Variants in LTBP1 observed in about 807,000 individuals in gnomAD.
LTBP1 encodes the protein latent transforming growth factor beta binding protein 1.
LTBP1 carries 129 observed loss-of-function variants against 207.6 expected under a neutral mutation model. That is an observed-to-expected ratio of 0.62 (90% CI 0.54 to 0.72). The LOEUF (loss-of-function observed/expected upper bound fraction) is 0.72. LTBP1 is among the 30% of genes least tolerant of loss of function. The probability of loss-of-function intolerance (pLI) is 0.00; values close to 1 mark genes in which losing one functional copy is unlikely to be tolerated. For synonymous variants in LTBP1, 963 were observed against 833.7 expected (o/e 1.16, Z -2.67); for missense variants, 2,281 against 2,217.2 (o/e 1.03, Z -0.58).
intron 5 of LTBP1, among the ~76,000 whole-genome samples, chr2:33,172,001 A>G (rs1287429085): frequency 1.3e-5 from 2 of 152,214 alleles, no homozygotes; most frequent in Non-Finnish European, 2.9e-5. Context: ...AGAGCTCCTG[A>G]AGGAAGCACT....
chr2:33,188,755 T>A lies in LTBP1; in HGVS notation c.1605T>A (p.His535Gln). The A allele has an allele frequency of 6.2e-7, 1 of 1,614,120 alleles. No homozygotes were observed. The highest frequency in any genetic ancestry group is 1.1e-5 in the South Asian group (1 of 91,084). ...GLPVQKTQTI[H>Q]STYSHQQVIP... ...CTGTCCAGAAGACCCAGACCATACA[T>A]TCCACATACTCCCACCAGCAGGTCA... is the stretch of plus-strand genomic sequence containing the variant. Residue 535 changes from histidine (H) to glutamine (Q), a missense_variant, in exon 7 of 34, where the codon CAT becomes CAA. Physicochemically the swap from His to Gln is conservative, Grantham distance 24 (BLOSUM62 0). Around this residue, in one of 3 missense-constraint regions of LTBP1, gnomAD observed 1,671 missense variants for 1,634.8 expected, o/e 1.02. Transcript: ENST00000404816.
At chr2:33,275,718 T>C (rs2093412157) in intron 17 of LTBP1, 83 bp from the exon 18 acceptor site, 3 of 1,525,708 alleles carry the variant, frequency 2.0e-6, no homozygotes, top group Non-Finnish European at 2.7e-6. Flanking sequence ...TTCGTTATTA[T>C]ATTTGAGCTA....
Position 33,021,215 on chromosome 2 carries a change from TTCGAAC to T in LTBP1, c.863+11_863+16del. 1 of 1,572,324 alleles carries T rather than the reference TTCGAAC, an allele frequency of 6.4e-7. No individual in the cohort carries two copies. Among genetic ancestry groups the T allele is most frequent in the South Asian group, 1.2e-5 (1 of 84,498 alleles). On this transcript the variant is annotated intron_variant, in intron 3 of 33. Coordinates refer to ENST00000404816, the MANE Select transcript of LTBP1 (RefSeq NM_206943.4). ...CAGCAGATACATTCTCAGTGAGTGT[TTCGAAC>T]TTTCATTTAGCTAAGGATCATCTTA...
At chr2:33,285,155 C>G in intron 19 of LTBP1, among the ~76,000 whole-genome samples, 1 of 150,252 alleles carries the variant, frequency 6.7e-6, no homozygotes, top group Non-Finnish European at 1.5e-5. Flanking sequence ...GATTCTCCTG[C>G]GTCAGCCTCC....
chr2:32,948,754 T>A, intron 1 of LTBP1, 121 bp from the exon 2 acceptor site: 1 of 910,308 alleles, frequency 1.1e-6, no homozygotes, highest in Non-Finnish European at 1.8e-6. Context: ...CTGTTAGGAC[T>A]CTCTCTCATC....
intron 3 of LTBP1, among the ~76,000 whole-genome samples, chr2:33,050,477 T>C (rs1181779429): frequency 1.3e-5 from 2 of 152,146 alleles, no homozygotes; most frequent in Non-Finnish European, 2.9e-5. Flanking sequence ...AACTCACCTG[T>C]ACATTAGACA....
intron 3 of LTBP1, among the ~76,000 whole-genome samples, chr2:33,048,195 G>C (rs981187309): frequency 6.6e-6 from 1 of 152,166 alleles, no homozygotes; most frequent in African/African-American, 2.4e-5. Flanking sequence ...AGGATTTCAG[G>C]CAGTGACTGG....
At chr2:33,217,339 AG>A (rs1345771161) in intron 7 of LTBP1, among the ~76,000 whole-genome samples, 2 of 152,242 alleles carry the variant, frequency 1.3e-5, no homozygotes, top group African/African-American at 4.8e-5. Flanking sequence ...AAAAACATCA[AG>A]GTGCTCCCAT....
intron 3 of LTBP1, among the ~76,000 whole-genome samples, chr2:33,087,453 C>G (rs908745485): frequency 6.6e-6 from 1 of 152,130 alleles, no homozygotes; most frequent in East Asian, 1.9e-4. Flanking sequence ...TTTGCTTCTC[C>G]AAACAGACTT....
At chr2:33,118,214 A>AG (rs926482138) in intron 4 of LTBP1, among the ~76,000 whole-genome samples, 1 of 151,460 alleles carries the variant, frequency 6.6e-6, no homozygotes, top group African/African-American at 2.4e-5. Flanking sequence ...CAAAAAAAAA[A>AG]CAACAAAAAA....
intron 5 of LTBP1, among the ~76,000 whole-genome samples, chr2:33,159,604 T>C (rs1385597692): frequency 6.6e-6 from 1 of 152,260 alleles, no homozygotes; most frequent in African/African-American, 2.4e-5. Flanking sequence ...TGCTTATTTC[T>C]CTGCCTCTTG....
chr2:32,947,588 C>G lies in LTBP1; in HGVS notation c.264C>G (p.Ser88Arg). The G allele has an allele frequency of 7.6e-7, 1 of 1,315,128 alleles. No individual in the cohort carries two copies. The highest frequency in any genetic ancestry group is 9.6e-7 in the Non-Finnish European group (1 of 1,036,714). 81.5% of individuals were successfully genotyped at this position (1,315,128 alleles called of 1,614,324 possible). Residue 88 changes from serine (S) to arginine (R), a missense_variant, in exon 1 of 34, where the codon AGC becomes AGG. Ser to Arg is a moderately radical substitution (Grantham distance 110). This residue lies in a region of LTBP1 where 555 missense variants were observed against 491.0 expected (regional missense o/e 1.13). Transcript: ENST00000404816. ...CCTCGGAGAGGACCCGGCGCACGAG[C>G]AAGCCGGGCGGCGCGGCCCTGCAGG... ...GVPSERTRRTSKPGGAALQGL... is the reference protein window; with the variant it reads ...GVPSERTRRTRKPGGAALQGL...
At chr2:33,005,759 G>A (rs1050959990) in intron 2 of LTBP1, among the ~76,000 whole-genome samples, 16 of 152,002 alleles carry the variant, frequency 1.1e-4, no homozygotes, top group African/African-American at 3.9e-4. Context: ...GCTAATTTTT[G>A]TATTTTTAGT....
At chr2:33,379,064 T>C (rs543089516) in intron 31 of LTBP1, among the ~76,000 whole-genome samples, 1 of 152,254 alleles carries the variant, frequency 6.6e-6, no homozygotes, top group East Asian at 1.9e-4. Context: ...AACAAAGCCT[T>C]CTTTATGCTT....
intron 2 of LTBP1, among the ~76,000 whole-genome samples, chr2:32,985,874 TC>T (rs1350282617): frequency 6.6e-6 from 1 of 152,086 alleles, no homozygotes; most frequent in Non-Finnish European, 1.5e-5. Context: ...ATCTGAGTGT[TC>T]CTTCACCCCT....
chr2:33,295,808 C>T (rs759936171), intron 20 of LTBP1, among the ~76,000 whole-genome samples: 19 of 152,136 alleles, frequency 1.2e-4, no homozygotes, highest in Middle Eastern at 3.2e-3. Flanking sequence ...TAATTAATTT[C>T]TCACTATGGT....
chr2:33,247,444 T>G (rs1460515040), intron 10 of LTBP1, among the ~76,000 whole-genome samples: 1 of 152,220 alleles, frequency 6.6e-6, no homozygotes, highest in East Asian at 1.9e-4. Flanking sequence ...AGTTGGCAAA[T>G]TATAGCCCAT....
At chr2:32,966,119 T>C (rs771430570) in intron 2 of LTBP1, among the ~76,000 whole-genome samples, 13 of 152,198 alleles carry the variant, frequency 8.5e-5, no homozygotes, top group Non-Finnish European at 1.5e-4. Flanking sequence ...AAGCCTCAGA[T>C]ACTTGAGCTT....
At chr2:33,127,824 G>C (rs942381239) in intron 4 of LTBP1, among the ~76,000 whole-genome samples, 6 of 152,144 alleles carry the variant, frequency 3.9e-5, no homozygotes, top group Non-Finnish European at 7.4e-5. Context: ...TGGGGAAGAA[G>C]AGGAAAAGGT....
Sources: allele counts gnomAD v4.1 joint callset (sites outside exome capture counted in the v4.1 genomes callset), GRCh38; gene constraint gnomAD v4.1.1; regional missense constraint gnomAD v4.1.1; transcripts MANE v1.5; gene names NCBI Gene and HGNC (gene_info 2026-07-23, HGNC 2026-07-21).